PCMTD2: variants seen among roughly 807,000 people sequenced by gnomAD.
The protein encoded by PCMTD2 is protein-L-isoaspartate (D-aspartate) O-methyltransferase domain containing 2, also known as protein-L-isoaspartate O-methyltransferase domain-containing protein 2.
PCMTD2 carries 16 observed loss-of-function variants against 33.4 expected under a neutral mutation model. The observed-to-expected ratio is 0.48, with a 90% CI of 0.32 to 0.73. The LOEUF is 0.73. Among genes scored for constraint, PCMTD2 ranks in the 30% least tolerant of loss-of-function variants. The pLI is 0.03. For missense variants in PCMTD2, 374 were observed against 449.9 expected (o/e 0.83, Z 1.53); for synonymous variants, 161 against 160.8 (o/e 1.00, Z -0.01).
chr20:64,259,793 G>A, intron 1 of PCMTD2, 149 bp from the exon 2 acceptor site: 1 of 554,232 alleles, frequency 1.8e-6, no homozygotes, highest in Non-Finnish European at 3.2e-6. Context: ...TGGCATCTCT[G>A]GGTGGGGCAG....
At chr20:64,267,156 G>A (rs1985693411) in intron 4 of PCMTD2, among the ~76,000 whole-genome samples, 2 of 152,190 alleles carry the variant, frequency 1.3e-5, no homozygotes, top group African/African-American at 4.8e-5. Context: ...CTTGGAGACT[G>A]ACCCAGCCAC....
At chr20:64,263,963 A>G (rs1254617025) in intron 2 of PCMTD2, among the ~76,000 whole-genome samples, 1 of 152,250 alleles carries the variant, frequency 6.6e-6, no homozygotes, top group Non-Finnish European at 1.5e-5. Context: ...TTACTGATAA[A>G]TATCCTTTGA....
At chr20:64,263,060 C>T (rs1985498568) in intron 2 of PCMTD2, 1 of 152,202 alleles carries the variant, frequency 6.6e-6, no homozygotes, top group Admixed American at 6.5e-5. Context: ...AACCATATCT[C>T]ATATCTGTTA....
chr20:64,273,150 C>T (rs1429607496), intron 5 of PCMTD2, 71 bp from the exon 6 acceptor site: 2 of 1,300,026 alleles, frequency 1.5e-6, no homozygotes, highest in Non-Finnish European at 2.1e-6. Flanking sequence ...TGCTACGGGT[C>T]TTAGGTGTGT....
At chr20:64,265,480 G>A (rs774899590) in intron 4 of PCMTD2, 51 bp downstream of exon 4, 1 of 1,389,806 alleles carries the variant, frequency 7.2e-7, no homozygotes, top group Non-Finnish European at 1.0e-6. Context: ...GCCAAGGTCT[G>A]TTCTGGGCAG....
intron 5 of PCMTD2, among the ~76,000 whole-genome samples, chr20:64,269,850 G>GGTGTGT (rs1985816473): frequency 2.0e-5 from 2 of 99,960 alleles, no homozygotes; most frequent in African/African-American, 7.2e-5. Flanking sequence ...CATGGGTGCT[G>GGTGTGT]GCGTGTGGGG....
chr20:64,262,268 AAAGT>A (rs200387237), intron 2 of PCMTD2, among the ~76,000 whole-genome samples: 2,122 of 152,258 alleles, frequency 0.014, 37 homozygotes, highest in African/African-American at 0.048. Flanking sequence ...AGAAAAAAAA[AAAGT>A]AAGCCTGAAA....
intron 4 of PCMTD2, among the ~76,000 whole-genome samples, chr20:64,267,302 A>G (rs572758247): frequency 3.0e-4 from 46 of 152,324 alleles, no homozygotes; most frequent in African/African-American, 1.1e-3. Flanking sequence ...GGGTGATATC[A>G]GGGCAAGGCT....
intron 5 of PCMTD2, among the ~76,000 whole-genome samples, chr20:64,268,922 G>A (rs1985769476): frequency 2.0e-5 from 3 of 152,164 alleles, no homozygotes; most frequent in Admixed American, 2.0e-4. Flanking sequence ...CGGTTAATTA[G>A]GGAAGGTTTG....
chr20:64,264,273 TGTG>T, intron 2 of PCMTD2, among the ~76,000 whole-genome samples, 153 bp from the exon 3 acceptor site: 1 of 152,358 alleles, frequency 6.6e-6, no homozygotes, highest in Middle Eastern at 3.4e-3. Context: ...GTATTTACGA[TGTG>T]GTGAGCCGTG....
At chr20:64,265,137 C>A in intron 3 of PCMTD2, 121 bp from the exon 4 acceptor site, 1 of 583,172 alleles carries the variant, frequency 1.7e-6, no homozygotes, top group Non-Finnish European at 2.9e-6. Context: ...TCTTCCAGCT[C>A]CTCACACTGT....
chr20:64,259,165 G>A (rs1985288395), intron 1 of PCMTD2, among the ~76,000 whole-genome samples: 1 of 152,160 alleles, frequency 6.6e-6, no homozygotes, highest in Non-Finnish European at 1.5e-5. Flanking sequence ...ACTTTAGCCA[G>A]GAAGCTGATT....
At chr20:64,272,197 A>G (rs11905831) in intron 5 of PCMTD2, 93,787 of 498,638 alleles carry the variant, frequency 0.19, 11,833 homozygotes, top group African/African-American at 0.44. Context: ...AACAGTGGAG[A>G]TGCTGAGATT....
intron 2 of PCMTD2, among the ~76,000 whole-genome samples, chr20:64,263,173 T>C (rs953747224): frequency 2.0e-5 from 3 of 152,086 alleles, no homozygotes; most frequent in Non-Finnish European, 4.4e-5. Flanking sequence ...TCTGGCAGAG[T>C]CGGGAATTGA....
intron 2 of PCMTD2, 40 bp from the exon 3 acceptor site, chr20:64,264,389 A>G: frequency 1.0e-6 from 1 of 962,510 alleles, no homozygotes; most frequent in Admixed American, 1.7e-5. Context: ...AAGAGTTCTT[A>G]CTCTGGTTCT....
intron 5 of PCMTD2, chr20:64,272,150 G>A: frequency 5.4e-6 from 2 of 370,366 alleles, no homozygotes; most frequent in Non-Finnish European, 1.1e-5. Flanking sequence ...TCACTACCAG[G>A]GGCCTGGGAC....
In PCMTD2 at chr20:64,275,000, T is replaced by G. The variant is rs189975773; in HGVS notation, c.*1400T>G. 7.2e-5 allele frequency: 11 copies of G among 152,310 alleles called. No individual in the cohort carries two copies. The East Asian group carries it at 1.7e-3, about 24-fold the overall frequency. 9.4% of individuals were successfully genotyped at this position (152,310 alleles called of 1,614,324 possible). ...TTATTTTTAATCTTAATCCTCAGCT[T>G]CTTGGGAGTTGCTGGGCTTCAGTGT... On this transcript the variant is annotated 3_prime_UTR_variant, in exon 6 of 6. Transcript: ENST00000308824.
chr20:64,261,255 G>C (rs1049986770), intron 2 of PCMTD2, among the ~76,000 whole-genome samples: 1 of 152,204 alleles, frequency 6.6e-6, no homozygotes, highest in Non-Finnish European at 1.5e-5. Flanking sequence ...GGTGATAGGA[G>C]CTGATCTGTA....
rs1024943103 is a variant in PCMTD2, at chr20:64,260,025, A to C, written c.60A>C (p.Glu20Asp). 2.5e-6 allele frequency: 4 copies of C among 1,612,734 alleles called. No homozygotes were observed. In the Admixed American group the frequency reaches 6.7e-5, roughly 27 times the overall value. ...ATGAGCTGATAGATAATTTGAAAGA[A>C]GCACAGTATATCCGGACTGAGCTGG... Reference protein sequence around the residue: ...DNDELIDNLKEAQYIRTELVE... With the variant: ...DNDELIDNLKDAQYIRTELVE... The change falls in exon 2 of 6, where the codon GAA becomes GAC. Residue 20 changes from glutamate to aspartate, a missense_variant. Coordinates refer to ENST00000308824, the MANE Select transcript of PCMTD2 (RefSeq NM_018257.3).
Sources: gnomAD v4.1 joint callset for allele counts (sites outside exome capture counted in the v4.1 genomes callset) on GRCh38, gnomAD v4.1.1 for gene constraint, MANE v1.5 for transcripts, NCBI Gene and HGNC (gene_info 2026-07-23, HGNC 2026-07-21) for gene names.